The following ARHGAP24 variants were observed in gnomAD, a reference collection of about 807,000 sequenced individuals.
ARHGAP24 encodes rho GTPase-activating protein 24.
Under a neutral mutation model 76.4 loss-of-function variants are expected in ARHGAP24, and 50 were observed. That is an observed-to-expected ratio of 0.65 (90% CI 0.52 to 0.83). ARHGAP24 has a LOEUF of 0.83. Among genes scored for constraint, ARHGAP24 ranks in the 40% least tolerant of loss-of-function variants. The pLI is 0.00. For synonymous variants in ARHGAP24, 345 were observed against 323.3 expected, an observed-to-expected ratio of 1.07 and a Z score of -0.72; for missense variants, 930 against 914.2, an observed-to-expected ratio of 1.02 and a Z score of -0.22.
chr4:85,499,749 A>C (rs1253068834), intron 1 of ARHGAP24, among the ~76,000 whole-genome samples: 1 of 152,148 alleles, frequency 6.6e-6, no homozygotes, highest in Non-Finnish European at 1.5e-5. Context: ...CTCTATAGAG[A>C]CTCATCTAGG....
Position 85,750,485 on chromosome 4 carries a change from C to CTTTTT in ARHGAP24, c.268+28539_268+28543dup, listed in dbSNP as rs60635375. Among the ~76,000 whole-genome samples, 212 of 61,636 alleles carry CTTTTT rather than the reference C, an allele frequency of 3.4e-3. 29 individuals carry two copies. The highest frequency in any genetic ancestry group is 0.014 in the African/African-American group (200 of 14,552). The allele number at this position is 61,636 out of a possible 152,430, so 40.4% of individuals were successfully genotyped here. ...GGGATTAACATGACTCTTTTCATTC[C>CTTTTT]TTTTTTTTTTTTTTTTTTTTTTTTT... On this transcript the variant is annotated intron_variant, in intron 3 of 9. Coordinates refer to ENST00000395184, the MANE Select transcript of ARHGAP24 (RefSeq NM_001025616.3).
At chr4:85,542,767 G>T (rs1362486571) in intron 1 of ARHGAP24, among the ~76,000 whole-genome samples, 1 of 152,192 alleles carries the variant, frequency 6.6e-6, no homozygotes, top group Non-Finnish European at 1.5e-5. Flanking sequence ...GAGACATATT[G>T]ATAGTGGTTG....
At chr4:85,705,374 T>C (rs1446168530) in intron 2 of ARHGAP24, among the ~76,000 whole-genome samples, 2 of 152,160 alleles carry the variant, frequency 1.3e-5, no homozygotes, top group Non-Finnish European at 1.5e-5. Context: ...AAATAAGACA[T>C]ATACATATTG....
chr4:85,691,914 TTATAGTGTCTGTGGGCTA>T (rs1001591592), intron 2 of ARHGAP24, among the ~76,000 whole-genome samples: 3 of 152,164 alleles, frequency 2.0e-5, no homozygotes, highest in African/African-American at 4.8e-5. Flanking sequence ...AGTTGTTGCT[TTATAGTGTCTGTGGGCTA>T]TGTACTTAAT....
At chr4:85,548,054 G>A (rs558380271) in intron 1 of ARHGAP24, among the ~76,000 whole-genome samples, 38 of 144,718 alleles carry the variant, frequency 2.6e-4, no homozygotes, top group Admixed American at 1.0e-3. Context: ...CATTATAGCC[G>A]TAAATATTTA....
intron 1 of ARHGAP24, among the ~76,000 whole-genome samples, chr4:85,529,222 C>T (rs1725151918): frequency 6.6e-6 from 1 of 151,948 alleles, no homozygotes; most frequent in African/African-American, 2.4e-5. Flanking sequence ...ATTCTAGGCT[C>T]ACCAGTCATA....
chr4:85,942,053 CT>C lies in ARHGAP24; in HGVS notation c.392-4del, dbSNP rs11367691. ...TAAATTTCCCAAGTTTACTGTGATC[CT>C]TTTTTTTTAAGGCATTTTTGGACAG... On this transcript the variant is annotated splice_polypyrimidine_tract_variant and intron_variant, in intron 4 of 9. Transcript: ENST00000395184. The C allele has an allele frequency of 0.36, 573,011 of 1,587,206 alleles. 103,300 individuals carry two copies. Among genetic ancestry groups the C allele is most frequent in the East Asian group, 0.53 (23,557 of 44,444 alleles).
intron 1 of ARHGAP24, among the ~76,000 whole-genome samples, chr4:85,517,772 A>C (rs1200790166): frequency 6.6e-6 from 1 of 152,172 alleles, no homozygotes; most frequent in Non-Finnish European, 1.5e-5. Flanking sequence ...TTTAGGTTGA[A>C]AAACTCTGAC....
intron 1 of ARHGAP24, among the ~76,000 whole-genome samples, chr4:85,507,067 C>T (rs1724085372): frequency 6.6e-6 from 1 of 152,112 alleles, no homozygotes; most frequent in East Asian, 1.9e-4. Flanking sequence ...TTAAAAGAAG[C>T]TATATAGCAG....
intron 3 of ARHGAP24, among the ~76,000 whole-genome samples, chr4:85,909,479 C>T (rs148880552): frequency 1.3e-5 from 2 of 152,142 alleles, no homozygotes; most frequent in East Asian, 3.9e-4. Flanking sequence ...AGGAATGTTG[C>T]CTTTAGTTTA....
chr4:85,534,437 C>T lies in ARHGAP24; in HGVS notation c.-20-36085C>T, dbSNP rs533051845. On this transcript the variant is annotated intron_variant, in intron 1 of 9. Coordinates refer to ENST00000395184, the MANE Select transcript of ARHGAP24 (RefSeq NM_001025616.3). ...GGCATTCTCACCAGGTCTCCCCTTT[C>T]GCCGCCTGCTCCAGCAGAAGGAATG... is the stretch of plus-strand genomic sequence containing the variant. Among the ~76,000 whole-genome samples, 15 of 152,234 alleles carry T rather than the reference C, an allele frequency of 9.9e-5. No individual in the cohort carries two copies. In the South Asian group the frequency reaches 1.0e-3, roughly 11 times the overall value.
At chr4:85,615,275 G>T (rs1720509521) in intron 2 of ARHGAP24, among the ~76,000 whole-genome samples, 2 of 151,806 alleles carry the variant, frequency 1.3e-5, no homozygotes, top group African/African-American at 4.8e-5. Flanking sequence ...TTTCACCTAA[G>T]ATTTATTACA....
intron 2 of ARHGAP24, among the ~76,000 whole-genome samples, chr4:85,574,244 A>G (rs1727270204): frequency 6.6e-6 from 1 of 152,212 alleles, no homozygotes; most frequent in African/African-American, 2.4e-5. Context: ...ATCAAACTCC[A>G]TCATTATCCT....
chr4:85,664,357 A>T (rs1178997886), intron 2 of ARHGAP24, among the ~76,000 whole-genome samples: 1 of 150,968 alleles, frequency 6.6e-6, no homozygotes, highest in Non-Finnish European at 1.5e-5. Flanking sequence ...TGGTGGTGAT[A>T]TCCCCTTTAT....
chr4:85,610,219 G>A (rs1485301985), intron 2 of ARHGAP24, among the ~76,000 whole-genome samples: 7 of 151,812 alleles, frequency 4.6e-5, no homozygotes, highest in South Asian at 2.1e-4. Flanking sequence ...GGAGGCAGGC[G>A]GATCACGAGG....
chr4:85,978,444 G>A (rs934047027), intron 8 of ARHGAP24, among the ~76,000 whole-genome samples: 17 of 151,896 alleles, frequency 1.1e-4, no homozygotes, highest in Admixed American at 7.9e-4. Flanking sequence ...TAGATCTTAC[G>A]TGTGAGAAAA....
chr4:85,978,964 G>T (rs1258275144), intron 8 of ARHGAP24, among the ~76,000 whole-genome samples: 1 of 152,042 alleles, frequency 6.6e-6, no homozygotes, highest in African/African-American at 2.4e-5. Flanking sequence ...TACCTTTTAA[G>T]AATTTTTTAA....
chr4:85,935,506 G>A (rs1027556364), intron 4 of ARHGAP24, among the ~76,000 whole-genome samples: 1 of 152,196 alleles, frequency 6.6e-6, no homozygotes, highest in Non-Finnish European at 1.5e-5. Flanking sequence ...GTGATACTAA[G>A]ACAATAGTGA....
At chr4:85,650,715 G>C (rs972830020) in intron 2 of ARHGAP24, among the ~76,000 whole-genome samples, 1 of 149,236 alleles carries the variant, frequency 6.7e-6, no homozygotes, top group Non-Finnish European at 1.5e-5. Context: ...TATATTTACA[G>C]GCTAGCTAAG....
Sources: allele counts gnomAD v4.1 joint callset (sites outside exome capture counted in the v4.1 genomes callset), GRCh38; gene constraint gnomAD v4.1.1; transcripts MANE v1.5; gene names NCBI Gene and HGNC (gene_info 2026-07-23, HGNC 2026-07-21).